Variants in NCOA6 observed in about 807,000 individuals in gnomAD.
NCOA6 encodes NRC RAP250.
A neutral mutation model predicts 171.4 loss-of-function variants in NCOA6; 49 were observed. The observed-to-expected ratio is 0.29, with a 90% CI of 0.23 to 0.36. The LOEUF is 0.36. NCOA6 is among the 10% of genes least tolerant of loss of function. NCOA6 has a pLI of 1.00. For synonymous variants in NCOA6, 910 were observed against 927.5 expected, an observed-to-expected ratio of 0.98 and a Z score of 0.34; for missense variants, 2,248 against 2,554.5, an observed-to-expected ratio of 0.88 and a Z score of 2.59.
At chr20:34,715,447 AGACCTAAGGG>A (rs1988420760) in intron 14 of NCOA6, 82 bp from the exon 15 acceptor site, 4 of 1,004,350 alleles carry the variant, frequency 4.0e-6, no homozygotes, top group Admixed American at 3.5e-5. Context: ...CAAGCAGGGC[AGACCTAAGGG>A]GAGCCCTACT....
intron 14 of NCOA6, among the ~76,000 whole-genome samples, chr20:34,723,582 A>C (rs1989625865): frequency 6.6e-6 from 1 of 152,206 alleles, no homozygotes; most frequent in African/African-American, 2.4e-5. Flanking sequence ...CCTGAGAGTC[A>C]TTATGGCCTC....
intron 1 of NCOA6, among the ~76,000 whole-genome samples, chr20:34,807,554 C>T (rs973067961): frequency 6.6e-6 from 1 of 152,138 alleles, no homozygotes; most frequent in Non-Finnish European, 1.5e-5. Flanking sequence ...GAGATGGAGT[C>T]TCGCTCTGTC....
In NCOA6 at chr20:34,740,420, C is replaced by A; in HGVS notation, c.5836G>T (p.Ala1946Ser). The A allele has an allele frequency of 6.2e-7, 1 of 1,614,232 alleles. No individual in the cohort carries two copies. Among genetic ancestry groups the A allele is most frequent in the Non-Finnish European group, 8.5e-7 (1 of 1,180,044 alleles). ...ACCTTCTCCTCCACTAGGCCACCCG[C>A]AAGTGACTCAGATGCTATGCCACCA... is the stretch of plus-strand genomic sequence containing the variant. ...NHGGIASESL[A>S]GGLVEEKVGS... The change falls in exon 11 of 15, where the codon GCG (alanine) becomes TCG (serine). Residue 1946 changes from alanine (A) to serine (S), a missense_variant. Around this residue, in one of 7 missense-constraint regions of NCOA6, gnomAD observed 884 missense variants for 941.9 expected, o/e 0.94. Coordinates refer to ENST00000359003, the MANE Select transcript of NCOA6 (RefSeq NM_014071.5).
At chr20:34,721,039 A>T (rs1310545777) in intron 14 of NCOA6, among the ~76,000 whole-genome samples, 1 of 152,106 alleles carries the variant, frequency 6.6e-6, no homozygotes, top group Non-Finnish European at 1.5e-5. Context: ...TTCCTGGCTC[A>T]CAGCTCCTAT....
intron 8 of NCOA6, 111 bp from the exon 9 acceptor site, chr20:34,750,630 G>A: frequency 8.5e-7 from 1 of 1,171,260 alleles, no homozygotes; most frequent in Non-Finnish European, 1.2e-6. Flanking sequence ...TATATCCACT[G>A]ACCAACATAA....
chr20:34,776,090 C>A (rs1180365383), intron 4 of NCOA6, among the ~76,000 whole-genome samples: 2 of 152,242 alleles, frequency 1.3e-5, no homozygotes, highest in African/African-American at 4.8e-5. Flanking sequence ...GCTACAGATG[C>A]TAAAGACCAT....
chr20:34,740,773 A>C lies in NCOA6; in HGVS notation c.5483T>G (p.Leu1828Trp). ...GKVDKIGQILLTKACKKVTGS... is the reference protein window; with the variant it reads ...GKVDKIGQILWTKACKKVTGS... ...TGTAACTTTCTTACATGCCTTGGTCAACAAAATTTGGCCAATTTTGTCCAC... is the reference window on the plus strand; with the variant it reads ...TGTAACTTTCTTACATGCCTTGGTCCACAAAATTTGGCCAATTTTGTCCAC... The change falls in exon 11 of 15, where the codon TTG becomes TGG. Residue 1828 changes from leucine (L) to tryptophan (W), a missense_variant. Leu to Trp is a moderately conservative substitution (Grantham distance 61). Around this residue, in one of 7 missense-constraint regions of NCOA6, gnomAD observed 884 missense variants for 941.9 expected, o/e 0.94. Transcript: ENST00000359003. The C allele has an allele frequency of 6.2e-7, 1 of 1,614,236 alleles. No individual in the cohort carries two copies. Among genetic ancestry groups the C allele is most frequent in the South Asian group, 1.1e-5 (1 of 91,088 alleles).
intron 9 of NCOA6, among the ~76,000 whole-genome samples, chr20:34,747,502 G>A (rs2076342856): frequency 6.6e-6 from 1 of 152,130 alleles, no homozygotes; most frequent in African/African-American, 2.4e-5. Flanking sequence ...TTTTACCTGG[G>A]TGTAGCTTAA....
Position 34,750,418 on chromosome 20 carries a change from T to C in NCOA6, c.1777A>G (p.Asn593Asp). The part of the protein sequence containing the change: ...SLMGIHGNMN[N>D]QQAGTSGVPQ... ...ACCCCAGAAGTACCAGCCTGCTGATTGTTCATGTTGCCATGAATTCCCATG... is the reference window on the plus strand; with the variant it reads ...ACCCCAGAAGTACCAGCCTGCTGATCGTTCATGTTGCCATGAATTCCCATG... The change falls in exon 9 of 15, where the codon AAT becomes GAT. Residue 593 changes from asparagine to aspartate, a missense_variant. This residue lies in a region of NCOA6 where 987 missense variants were observed against 1,104.7 expected (regional missense o/e 0.89). Coordinates refer to ENST00000359003, the MANE Select transcript of NCOA6 (RefSeq NM_014071.5). The C allele has an allele frequency of 1.9e-6, 3 of 1,614,136 alleles. No individual in the cohort carries two copies. The highest frequency in any genetic ancestry group is 2.5e-6 in the Non-Finnish European group (3 of 1,180,024).
intron 1 of NCOA6, among the ~76,000 whole-genome samples, chr20:34,802,398 G>A (rs982735071): frequency 2.0e-5 from 3 of 152,128 alleles, no homozygotes; most frequent in Non-Finnish European, 2.9e-5. Flanking sequence ...TTAGGAGATC[G>A]AGACCATCCT....
Position 34,796,495 on chromosome 20 carries a change from GCC to G in NCOA6, c.-163-3934_-163-3933del, listed in dbSNP as rs1385120324. 2.6e-5 allele frequency among the ~76,000 whole-genome samples: 4 copies of G among 152,094 alleles called. No individual in the cohort carries two copies. The Middle Eastern group carries it at 0.01, about 388-fold the overall frequency. On this transcript the variant is annotated intron_variant, in intron 1 of 14. Coordinates refer to ENST00000359003, the MANE Select transcript of NCOA6 (RefSeq NM_014071.5). ...AAATTAGCTAGGTGTGGTAGTGTGTGCCTGTAGTCCCAGCTACTCAGAAGGCT... is the reference window on the plus strand; with the variant it reads ...AAATTAGCTAGGTGTGGTAGTGTGTGTGTAGTCCCAGCTACTCAGAAGGCT...
Position 34,739,807 on chromosome 20 carries a change from C to T in NCOA6, c.5893+556G>A, listed in dbSNP as rs149195826. On this transcript the variant is annotated intron_variant, in intron 11 of 14. Transcript: ENST00000359003. Reference sequence around the variant, plus strand: ...AAATGCTTCCTTATAAATTGAAAAACTTATATAAATGAAAGGTATCATTAT... The same window carrying T: ...AAATGCTTCCTTATAAATTGAAAAATTTATATAAATGAAAGGTATCATTAT... Among the ~76,000 whole-genome samples, 1,087 of 152,278 alleles carry T rather than the reference C, an allele frequency of 7.1e-3. 12 individuals carry two copies. The highest frequency in any genetic ancestry group is 0.024 in the African/African-American group (1,008 of 41,552).
In NCOA6 at chr20:34,804,867, T is replaced by C. The variant is rs990509390; in HGVS notation, c.-163-12304A>G. Among the ~76,000 whole-genome samples, 4 of 152,262 alleles carry C rather than the reference T, an allele frequency of 2.6e-5. 1 individual carries two copies. The highest frequency in any genetic ancestry group is 2.0e-4 in the Admixed American group (3 of 15,290). Reference sequence around the variant, plus strand: ...ATTCAAAATCCTCTCTTCTAGCTATTTGAAAATATACAATAAATTATTTTT... The same window carrying C: ...ATTCAAAATCCTCTCTTCTAGCTATCTGAAAATATACAATAAATTATTTTT... On this transcript the variant is annotated intron_variant, in intron 1 of 14. Coordinates refer to ENST00000359003, the MANE Select transcript of NCOA6 (RefSeq NM_014071.5).
chr20:34,797,682 G>C (rs529265775), intron 1 of NCOA6, among the ~76,000 whole-genome samples: 100 of 152,132 alleles, frequency 6.6e-4, no homozygotes, highest in African/African-American at 2.3e-3. Context: ...AAGGTCAGGA[G>C]TCCCAGACCA....
intron 6 of NCOA6, 126 bp from the exon 7 acceptor site, chr20:34,758,230 G>C (rs2076710700): frequency 1.6e-6 from 2 of 1,257,554 alleles, no homozygotes; most frequent in South Asian, 3.1e-5. Flanking sequence ...ATAAATGCTT[G>C]TGAATACCTT....
chr20:34,765,326 A>G (rs1270970660), intron 5 of NCOA6, among the ~76,000 whole-genome samples: 1 of 150,678 alleles, frequency 6.6e-6, no homozygotes, highest in African/African-American at 2.4e-5. Context: ...GCATGGTGGC[A>G]TGGGAGGCTG....
intron 2 of NCOA6, among the ~76,000 whole-genome samples, chr20:34,784,268 T>C (rs1319623828): frequency 6.6e-6 from 1 of 152,004 alleles, no homozygotes; most frequent in Non-Finnish European, 1.5e-5. Flanking sequence ...TCTTTCTCTG[T>C]TGCTGGAATG....
At position 34,749,986 on chromosome 20, in the gene NCOA6, T is replaced by C. The variant is rs764406737; in HGVS notation, c.2209A>G (p.Met737Val). 15 of 1,614,152 alleles carry C rather than the reference T, an allele frequency of 9.3e-6. No homozygotes were observed. Among genetic ancestry groups the C allele is most frequent in the Middle Eastern group, 3.3e-4 (2 of 6,084 alleles). Residue 737 changes from methionine to valine, a missense_variant, in exon 9 of 15, where the codon ATG becomes GTG. By Grantham distance (21) the Met-to-Val change is conservative. Around this residue, in one of 7 missense-constraint regions of NCOA6, gnomAD observed 987 missense variants for 1,104.7 expected, o/e 0.89. Transcript: ENST00000359003. ...QFNTQNQSNV[M>V]PGPAQIMRGP... ...CTCATTATCTGGGCTGGTCCCGGCA[T>C]GACATTGGACTGGTTCTGAGTGTTA...
At position 34,757,643 on chromosome 20, in the gene NCOA6, G is replaced by A; in HGVS notation, c.1105C>T (p.Pro369Ser). Residue 369 changes from proline (P) to serine (S), a missense_variant, in exon 7 of 15, where the codon CCT becomes TCT. Transcript: ENST00000359003. ...ARPSLATVQT[P>S]SHPPPPYPFG... ...GGATATGGAGGGGGAGGGTGGGAAG[G>A]CGTCTGTACCGTGGCTAAGGATGGT... 6.2e-7 allele frequency: 1 copy of A among 1,614,006 alleles called. No individual in the cohort carries two copies. The highest frequency in any genetic ancestry group is 8.5e-7 in the Non-Finnish European group (1 of 1,179,898).
Sources: gnomAD v4.1 joint callset for allele counts (sites outside exome capture counted in the v4.1 genomes callset) on GRCh38, gnomAD v4.1.1 for gene constraint, gnomAD v4.1.1 regional missense constraint, MANE v1.5 for transcripts, NCBI Gene and HGNC (gene_info 2026-07-23, HGNC 2026-07-21) for gene names.